The following CNTN4 variants were observed in gnomAD, a reference collection of about 807,000 sequenced individuals.
The protein encoded by CNTN4 is contactin 4.
In CNTN4, 77 loss-of-function variants were observed where a neutral mutation model predicts 122.5. The ratio of observed to expected loss-of-function variants is 0.63; its 90% CI spans 0.52 to 0.76. The LOEUF is 0.76. Ranked by LOEUF, CNTN4 falls within the 30% of genes least tolerant of loss-of-function variation. CNTN4 has a pLI of 0.00. For synonymous variants in CNTN4, 512 were observed against 447.0 expected, an observed-to-expected ratio of 1.15 and a Z score of -1.83; for missense variants, 1,256 against 1,259.1, an observed-to-expected ratio of 1.00 and a Z score of 0.04.
At chr3:2,174,287 C>G (rs1377348609) in intron 2 of CNTN4, among the ~76,000 whole-genome samples, 1 of 152,072 alleles carries the variant, frequency 6.6e-6, no homozygotes, top group African/African-American at 2.4e-5. Flanking sequence ...GAAAACTAAG[C>G]CATTTCTTTT....
At chr3:2,141,704 A>G (rs2035004587) in intron 2 of CNTN4, among the ~76,000 whole-genome samples, 2 of 152,158 alleles carry the variant, frequency 1.3e-5, no homozygotes, top group South Asian at 4.1e-4. Context: ...TAGCTCCCTG[A>G]GTGTCAAACT....
chr3:2,177,437 T>C (rs1042204126), intron 2 of CNTN4, among the ~76,000 whole-genome samples: 5 of 152,116 alleles, frequency 3.3e-5, no homozygotes, highest in African/African-American at 1.2e-4. Flanking sequence ...TGGATTGTTT[T>C]TGCTCCTCTG....
chr3:2,337,787 G>A (rs1283730312), intron 2 of CNTN4, among the ~76,000 whole-genome samples: 1 of 151,262 alleles, frequency 6.6e-6, no homozygotes, highest in Admixed American at 6.6e-5. Context: ...CAAATTTTTA[G>A]TAATATTTGA....
chr3:2,972,855 A>G (rs1693063434), intron 13 of CNTN4, among the ~76,000 whole-genome samples: 3 of 150,916 alleles, frequency 2.0e-5, no homozygotes, highest in Admixed American at 2.0e-4. Context: ...TCACTGTCAC[A>G]TCTAAATTAC....
chr3:2,728,914 ATCACAG>A (rs1192267796), intron 4 of CNTN4, among the ~76,000 whole-genome samples: 3 of 152,204 alleles, frequency 2.0e-5, no homozygotes, highest in African/African-American at 7.2e-5. Context: ...TTGACTGTAT[ATCACAG>A]TGCTGGGTTC....
intron 13 of CNTN4, among the ~76,000 whole-genome samples, chr3:2,983,915 C>G (rs981643615): frequency 7.9e-5 from 12 of 152,170 alleles, no homozygotes; most frequent in Non-Finnish European, 1.2e-4. Flanking sequence ...CTGAAAATTA[C>G]CCCTTCTACA....
Position 2,835,839 on chromosome 3 carries a change from C to G in CNTN4, c.454+16258C>G, listed in dbSNP as rs190275592. Among the ~76,000 whole-genome samples, 5 of 152,124 alleles carry G rather than the reference C, an allele frequency of 3.3e-5. No individual in the cohort carries two copies. The East Asian group carries it at 9.7e-4, about 29-fold the overall frequency. On this transcript the variant is annotated intron_variant, in intron 7 of 24. Coordinates refer to ENST00000418658, the MANE Select transcript of CNTN4 (RefSeq NM_175607.3). ...AATCAAAATCAGTACCTTAAGTATT[C>G]ACCTCATGCAATTCAAAGGAACATA...
chr3:2,260,185 C>G (rs1303287566), intron 2 of CNTN4, among the ~76,000 whole-genome samples: 1 of 152,102 alleles, frequency 6.6e-6, no homozygotes, highest in African/African-American at 2.4e-5. Context: ...AATCCTGTAG[C>G]TGAAGTTTCT....
chr3:3,021,427 A>T (rs1259124763), intron 14 of CNTN4, among the ~76,000 whole-genome samples: 1 of 152,192 alleles, frequency 6.6e-6, no homozygotes, highest in Non-Finnish European at 1.5e-5. Context: ...CCCTTATGTC[A>T]TCTGAGGTTT....
intron 4 of CNTN4, among the ~76,000 whole-genome samples, chr3:2,724,974 T>C (rs1207479817): frequency 6.6e-6 from 1 of 152,206 alleles, no homozygotes; most frequent in Non-Finnish European, 1.5e-5. Flanking sequence ...GTTGGACAAC[T>C]CTGGATTATA....
At chr3:2,439,096 G>A (rs1292020988) in intron 3 of CNTN4, among the ~76,000 whole-genome samples, 1 of 152,202 alleles carries the variant, frequency 6.6e-6, no homozygotes, top group Non-Finnish European at 1.5e-5. Flanking sequence ...ACTTTAAGAT[G>A]TCTGAAATTC....
intron 12 of CNTN4, among the ~76,000 whole-genome samples, chr3:2,907,112 G>A (rs958550221): frequency 2.0e-5 from 3 of 152,104 alleles, no homozygotes; most frequent in African/African-American, 7.2e-5. Context: ...GGTTAACTTG[G>A]GTAAGACATA....
At chr3:2,427,994 C>T (rs1559543815) in intron 3 of CNTN4, among the ~76,000 whole-genome samples, 1 of 151,198 alleles carries the variant, frequency 6.6e-6, no homozygotes, top group Admixed American at 6.6e-5. Flanking sequence ...GTCCTAAATA[C>T]AGCACACTGA....
chr3:2,299,541 C>G (rs1209613943), intron 2 of CNTN4, among the ~76,000 whole-genome samples: 1 of 152,042 alleles, frequency 6.6e-6, no homozygotes, highest in East Asian at 1.9e-4. Context: ...TTATTGAAGA[C>G]TTTTCCCTAT....
At chr3:2,928,071 T>G (rs2094489749) in intron 13 of CNTN4, among the ~76,000 whole-genome samples, 1 of 152,376 alleles carries the variant, frequency 6.6e-6, no homozygotes, top group South Asian at 2.1e-4. Context: ...GGGAGACACC[T>G]GCCACTCAGC....
At chr3:2,396,008 G>GGAAC (rs1411669425) in intron 3 of CNTN4, among the ~76,000 whole-genome samples, 1 of 151,782 alleles carries the variant, frequency 6.6e-6, no homozygotes, top group Non-Finnish European at 1.5e-5. Flanking sequence ...CACATGCATG[G>GGAAC]GAACATATTC....
chr3:2,593,017 A>T (rs2080574181), intron 4 of CNTN4, among the ~76,000 whole-genome samples: 3 of 152,244 alleles, frequency 2.0e-5, no homozygotes, highest in Admixed American at 6.5e-5. Flanking sequence ...GTTTAAGCAA[A>T]TTGTCTCTTT....
At chr3:2,584,041 G>A (rs2080065801) in intron 4 of CNTN4, among the ~76,000 whole-genome samples, 2 of 152,192 alleles carry the variant, frequency 1.3e-5, no homozygotes, top group Admixed American at 6.5e-5. Context: ...TAGTTGCTCA[G>A]TGTATGAGCT....
At chr3:2,162,598 T>G (rs1053724257) in intron 2 of CNTN4, among the ~76,000 whole-genome samples, 3 of 152,172 alleles carry the variant, frequency 2.0e-5, no homozygotes, top group African/African-American at 4.8e-5. Context: ...TTCTGACCTG[T>G]TTATTGACTC....
Sources: allele counts gnomAD v4.1 joint callset (sites outside exome capture counted in the v4.1 genomes callset), GRCh38; gene constraint gnomAD v4.1.1; transcripts MANE v1.5; gene names NCBI Gene and HGNC (gene_info 2026-07-23, HGNC 2026-07-21).